Variants in PHGDH observed in about 807,000 individuals in gnomAD.
The protein encoded by PHGDH is D-3-phosphoglycerate dehydrogenase.
A neutral mutation model predicts 52.6 loss-of-function variants in PHGDH; 50 were observed. That is an observed-to-expected ratio of 0.95 (90% CI 0.76 to 1.20). The LOEUF is 1.20. Among genes scored for constraint, PHGDH ranks in the 50% most tolerant of loss-of-function variants. The probability of loss-of-function intolerance (pLI) is 0.00; values close to 1 mark genes in which losing one functional copy is unlikely to be tolerated. For synonymous variants in PHGDH, 271 were observed against 280.5 expected, an observed-to-expected ratio of 0.97 and a Z score of 0.34; for missense variants, 630 against 684.6, an observed-to-expected ratio of 0.92 and a Z score of 0.89.
intron 7 of PHGDH, among the ~76,000 whole-genome samples, chr1:119,736,036 G>C (rs1446900620): frequency 6.6e-6 from 1 of 152,192 alleles, no homozygotes; most frequent in Non-Finnish European, 1.5e-5. Flanking sequence ...TCTCCTGAAA[G>C]ATCCTGTCCC....
chr1:119,742,067 C>G (rs768090071), intron 10 of PHGDH, 170 bp downstream of exon 10: 1 of 657,744 alleles, frequency 1.5e-6, no homozygotes, highest in Non-Finnish European at 2.7e-6. Context: ...AAGATACTGC[C>G]TGGCCCCGAG....
intron 7 of PHGDH, among the ~76,000 whole-genome samples, chr1:119,735,977 C>T (rs1266661877): frequency 6.6e-6 from 1 of 152,192 alleles, no homozygotes; most frequent in Non-Finnish European, 1.5e-5. Flanking sequence ...CAGCCTCACA[C>T]CAGATCCAGT....
chr1:119,738,756 A>G (rs979068718), intron 8 of PHGDH, among the ~76,000 whole-genome samples: 3 of 149,810 alleles, frequency 2.0e-5, no homozygotes, highest in African/African-American at 7.4e-5. Flanking sequence ...ACTCCTGAAT[A>G]TAAGCTCTGG....
chr1:119,721,368 C>G (rs746056443), intron 2 of PHGDH, 47 bp downstream of exon 2: 1 of 1,579,508 alleles, frequency 6.3e-7, no homozygotes, highest in Admixed American at 1.7e-5. Context: ...GGGGTGAGTG[C>G]GGAGACTGAC....
At chr1:119,743,534 A>G (rs759597161) in intron 11 of PHGDH, among the ~76,000 whole-genome samples, 1 of 152,204 alleles carries the variant, frequency 6.6e-6, no homozygotes, top group Non-Finnish European at 1.5e-5. Context: ...GCACACGTCC[A>G]TGTTTGGCGG....
intron 1 of PHGDH, among the ~76,000 whole-genome samples, chr1:119,718,332 A>G (rs1651017089): frequency 6.6e-6 from 1 of 152,222 alleles, no homozygotes; most frequent in Admixed American, 6.5e-5. Context: ...TGTCTGTACT[A>G]TAGGGATAAT....
At chr1:119,733,515 TG>T (rs1477297045) in intron 5 of PHGDH, among the ~76,000 whole-genome samples, 8 of 56,234 alleles carry the variant, frequency 1.4e-4, no homozygotes, top group African/African-American at 8.4e-4. Context: ...TTAAATTTTT[TG>T]TAGGGGGGGG....
chr1:119,727,963 G>A (rs1651521030), intron 5 of PHGDH, among the ~76,000 whole-genome samples: 1 of 152,150 alleles, frequency 6.6e-6, no homozygotes. Flanking sequence ...GCATGTTTTG[G>A]GTGGTCCTCT....
rs1236966373 is a variant in PHGDH, at chr1:119,712,076, C to T, written c.54C>T (p.Cys18=). 10 of 1,614,040 alleles carry T rather than the reference C, an allele frequency of 6.2e-6. No homozygotes were observed. Among genetic ancestry groups the T allele is most frequent in the Non-Finnish European group, 8.5e-6 (10 of 1,179,990 alleles). The part of the protein sequence containing the change: ...KVLISDSLDP[C]CRKILQDGGL... ...TCATCAGTGACAGCCTGGACCCTTGCTGCCGGAAGATCTTGCAAGATGGAG... is the reference window on the plus strand; with the variant it reads ...TCATCAGTGACAGCCTGGACCCTTGTTGCCGGAAGATCTTGCAAGATGGAG... The change falls in exon 1 of 12, where the codon TGC becomes TGT. Residue 18 remains cysteine (C), a synonymous_variant. Transcript: ENST00000641023.
intron 3 of PHGDH, among the ~76,000 whole-genome samples, chr1:119,726,179 A>AGTGTGT (rs55671458): frequency 0.015 from 2,018 of 131,232 alleles, 25 homozygotes; most frequent in East Asian, 0.04. Context: ...GGCTGTGAAG[A>AGTGTGT]GTGTGTGTGT....
At chr1:119,720,840 A>T (rs1005740464) in intron 1 of PHGDH, 2 of 383,076 alleles carry the variant, frequency 5.2e-6, no homozygotes, top group African/African-American at 2.1e-5. Context: ...TCTGATGGAC[A>T]TCCAGGCTGC....
chr1:119,739,693 A>G (rs1398528531), intron 8 of PHGDH: 6 of 152,368 alleles, frequency 3.9e-5, no homozygotes, highest in Non-Finnish European at 8.8e-5. Context: ...CTAACTCAGA[A>G]CCAGAGCATT....
At chr1:119,736,400 C>A (rs1301558774) in intron 7 of PHGDH, among the ~76,000 whole-genome samples, 1 of 152,206 alleles carries the variant, frequency 6.6e-6, no homozygotes, top group Admixed American at 6.5e-5. Context: ...CACAGGATTA[C>A]ATGGTTACAT....
Position 119,721,327 on chromosome 1 carries a change from T to TC in PHGDH, c.290+7dup. On this transcript the variant is annotated splice_region_variant and intron_variant, in intron 2 of 11. Transcript: ENST00000641023. ...AAGGGCATCTTGGTTATGAAGTAAG[T>TC]CATGGAGGCTGCGGGCGGTTTGGGG... The TC allele has an allele frequency of 6.2e-7, 1 of 1,612,436 alleles. No homozygotes were observed. The highest frequency in any genetic ancestry group is 8.5e-7 in the Non-Finnish European group (1 of 1,178,976).
At chr1:119,743,823 C>G (rs1208121761) in intron 11 of PHGDH, 63 bp from the exon 12 acceptor site, 2 of 1,275,526 alleles carry the variant, frequency 1.6e-6, no homozygotes, top group African/African-American at 2.9e-5. Flanking sequence ...TGATTCTGCT[C>G]CCAATCCCTC....
intron 1 of PHGDH, 61 bp from the exon 2 acceptor site, chr1:119,721,109 C>G (rs1651134589): frequency 6.6e-6 from 10 of 1,513,762 alleles, no homozygotes; most frequent in Admixed American, 1.7e-5. Context: ...AATGATGTGC[C>G]TGCGGCTTTA....
Position 119,724,767 on chromosome 1 carries a change from C to T in PHGDH, c.356+1326C>T, listed in dbSNP as rs587699542. ...AGGAAAGGATTGGGAGCCAGCAATACTTTCCCTCCTTTTCCAGGACCAGCT... is the reference window on the plus strand; with the variant it reads ...AGGAAAGGATTGGGAGCCAGCAATATTTTCCCTCCTTTTCCAGGACCAGCT... On this transcript the variant is annotated intron_variant, in intron 3 of 11. Transcript: ENST00000641023. 1.5e-5 allele frequency: 7 copies of T among 456,070 alleles called. No individual in the cohort carries two copies. In the East Asian group the frequency reaches 4.2e-4, roughly 27 times the overall value. 28.3% of individuals were successfully genotyped at this position (456,070 alleles called of 1,614,324 possible).
chr1:119,720,415 T>A (rs587674680), intron 1 of PHGDH: 5 of 152,386 alleles, frequency 3.3e-5, no homozygotes, highest in African/African-American at 1.2e-4. Context: ...ATTTACTCAT[T>A]CGGCCAACCA....
intron 5 of PHGDH, among the ~76,000 whole-genome samples, chr1:119,730,725 T>C (rs1156735814): frequency 6.6e-6 from 1 of 152,220 alleles, no homozygotes; most frequent in East Asian, 1.9e-4. Flanking sequence ...GTAAGACATC[T>C]TTCATGATTC....
Sources: allele counts gnomAD v4.1 joint callset (sites outside exome capture counted in the v4.1 genomes callset), GRCh38; gene constraint gnomAD v4.1.1; transcripts MANE v1.5; gene names NCBI Gene and HGNC (gene_info 2026-07-23, HGNC 2026-07-21).